The following DLGAP1 variants were observed in gnomAD, a reference collection of about 807,000 sequenced individuals.
DLGAP1 encodes disks large-associated protein 1.
In DLGAP1, 11 loss-of-function variants were observed where a neutral mutation model predicts 90.8. That is an observed-to-expected ratio of 0.12 (90% confidence interval 0.08 to 0.20). The LOEUF is 0.20. DLGAP1 is among the 10% of genes least tolerant of loss of function. DLGAP1 has a pLI of 1.00. For synonymous variants in DLGAP1, 558 were observed against 540.7 expected (o/e 1.03, Z -0.44); for missense variants, 1,050 against 1,333.8 (o/e 0.79, Z 3.31).
intron 3 of DLGAP1, among the ~76,000 whole-genome samples, chr18:3,963,250 G>A (rs1390016469): frequency 7.6e-6 from 1 of 131,398 alleles, no homozygotes; most frequent in Non-Finnish European, 1.6e-5. Context: ...GCCAGTTCCA[G>A]CTCCAAAGGC....
At chr18:4,240,647 G>C (rs1319982329) in intron 1 of DLGAP1, among the ~76,000 whole-genome samples, 2 of 152,162 alleles carry the variant, frequency 1.3e-5, no homozygotes, top group Non-Finnish European at 2.9e-5. Flanking sequence ...AATCATAAGT[G>C]TCCTAACATA....
At position 4,311,242 on chromosome 18, in the gene DLGAP1, A is replaced by T. The variant is rs140403290; in HGVS notation, c.-267+143764T>A. The stretch of plus-strand genomic sequence containing the variant: ...ACTTGAGCAGAACTATAAACATTTT[A>T]TTGCAGATAGCTTGACTTTGACAAA... On this transcript the variant is annotated intron_variant, in intron 1 of 12. Coordinates refer to ENST00000315677, the MANE Select transcript of DLGAP1 (RefSeq NM_004746.4). 9.5e-3 allele frequency among the ~76,000 whole-genome samples: 1,446 copies of T among 152,302 alleles called. 25 individuals carry two copies. Among genetic ancestry groups the T allele is most frequent in the African/African-American group, 0.032 (1,342 of 41,572 alleles).
chr18:3,988,007 T>A (rs1330323975), intron 3 of DLGAP1, among the ~76,000 whole-genome samples: 1 of 152,160 alleles, frequency 6.6e-6, no homozygotes, highest in Non-Finnish European at 1.5e-5. Flanking sequence ...TGCACTTTAT[T>A]TCTATTATTA....
intron 3 of DLGAP1, among the ~76,000 whole-genome samples, chr18:3,963,584 T>G (rs1224292560): frequency 8.4e-5 from 2 of 23,926 alleles, no homozygotes; most frequent in African/African-American, 2.6e-4. Context: ...CTTTGGGCTG[T>G]TTTTTTTTTT....
chr18:4,053,760 T>C (rs2075171781), intron 2 of DLGAP1, among the ~76,000 whole-genome samples: 1 of 152,218 alleles, frequency 6.6e-6, no homozygotes, highest in African/African-American at 2.4e-5. Flanking sequence ...AGGTAGTTTA[T>C]AAACTACTCA....
At position 3,936,785 on chromosome 18, in the gene DLGAP1, T is replaced by C. The variant is rs909636570; in HGVS notation, c.-72-56645A>G. Among the ~76,000 whole-genome samples, 8 of 152,144 alleles carry C rather than the reference T, an allele frequency of 5.3e-5. No individual in the cohort carries two copies. In the East Asian group the frequency reaches 1.2e-3, roughly 22 times the overall value. ...CAAAATGATTCACAATTTGGAGGCA[T>C]ATATGGGGTAATGTGGCAACTGTTA... On this transcript the variant is annotated intron_variant, in intron 3 of 12. Transcript: ENST00000315677.
chr18:3,946,183 G>A (rs935983980), intron 3 of DLGAP1, among the ~76,000 whole-genome samples: 2 of 151,910 alleles, frequency 1.3e-5, no homozygotes, highest in Admixed American at 6.6e-5. Flanking sequence ...AATAAAAAGT[G>A]ATGAATATCT....
In DLGAP1 at chr18:3,499,468, T is replaced by C. The variant is rs911809276; in HGVS notation, c.2725-74A>G. The C allele has an allele frequency of 6.1e-6, 9 of 1,470,056 alleles. No individual in the cohort carries two copies. The African/African-American group carries it at 1.1e-4, about 19-fold the overall frequency. 91.1% of individuals were successfully genotyped at this position (1,470,056 alleles called of 1,614,324 possible). ...CTTGGGAAAAACTGGGATAGGTCAG[T>C]AGTTAGAACACACAGTTTTTTACCT... On this transcript the variant is annotated intron_variant, in intron 12 of 12. Transcript: ENST00000315677. The surrounding 1 kb of genome is among the most constrained non-coding windows in gnomAD (Gnocchi z 6.4).
intron 3 of DLGAP1, among the ~76,000 whole-genome samples, chr18:3,946,625 A>G (rs1274815730): frequency 6.6e-6 from 1 of 152,156 alleles, no homozygotes; most frequent in Non-Finnish European, 1.5e-5. Flanking sequence ...AAACAAAAAC[A>G]CTCTTTAAAG....
intron 2 of DLGAP1, among the ~76,000 whole-genome samples, chr18:4,148,301 G>T (rs180874365): frequency 6.6e-6 from 1 of 152,230 alleles, no homozygotes; most frequent in Admixed American, 6.5e-5. Flanking sequence ...TGGTAAGTGA[G>T]GTCAAAGAAT....
In DLGAP1 at chr18:3,499,138, G is replaced by A. The variant is rs749484217; in HGVS notation, c.*47C>T. On this transcript the variant is annotated 3_prime_UTR_variant, in exon 13 of 13. Coordinates refer to ENST00000315677, the MANE Select transcript of DLGAP1 (RefSeq NM_004746.4). This position sits in a 1 kb window ranked among gnomAD's most constrained non-coding sequence, Gnocchi z 6.4. ...GGCAGCCGGCAGAGGAGCGGCCGGG[G>A]GAGGAGGGGACAGATGCTTGGCGGC... The A allele has an allele frequency of 6.8e-7, 1 of 1,466,452 alleles. No homozygotes were observed. The highest frequency in any genetic ancestry group is 1.5e-5 in the African/African-American group (1 of 68,164). The allele number at this position is 1,466,452 out of a possible 1,614,324, so 90.8% of individuals were successfully genotyped here. A position where few individuals can be genotyped will look rare whatever the true frequency, so the allele number is the denominator to read the frequency against.
chr18:4,401,834 T>A (rs1485353126), intron 1 of DLGAP1, among the ~76,000 whole-genome samples: 1 of 152,252 alleles, frequency 6.6e-6, no homozygotes, highest in Non-Finnish European at 1.5e-5. Flanking sequence ...AATTTTTAAA[T>A]GATAGGTAAT....
intron 1 of DLGAP1, among the ~76,000 whole-genome samples, chr18:4,400,533 T>C (rs1048034586): frequency 6.6e-6 from 1 of 152,092 alleles, no homozygotes; most frequent in Admixed American, 6.6e-5. Flanking sequence ...CACGGATATA[T>C]GTCACTAAGT....
At chr18:3,690,068 T>TA in intron 7 of DLGAP1, among the ~76,000 whole-genome samples, 1 of 151,276 alleles carries the variant, frequency 6.6e-6, no homozygotes, top group Non-Finnish European at 1.5e-5. Flanking sequence ...TCAGGATTAT[T>TA]AACAGTACCC....
chr18:4,434,364 C>G (rs2083354057), intron 1 of DLGAP1, among the ~76,000 whole-genome samples: 1 of 152,142 alleles, frequency 6.6e-6, no homozygotes, highest in Non-Finnish European at 1.5e-5. Context: ...AACTGATACA[C>G]TAACTTCTCC....
chr18:3,979,116 T>C (rs1244782356), intron 3 of DLGAP1, among the ~76,000 whole-genome samples: 1 of 152,200 alleles, frequency 6.6e-6, no homozygotes, highest in African/African-American at 2.4e-5. Context: ...TTATGCTAAA[T>C]GAAATAAGCC....
intron 1 of DLGAP1, among the ~76,000 whole-genome samples, chr18:4,437,686 T>C (rs1019038129): frequency 2.6e-5 from 4 of 152,318 alleles, no homozygotes; most frequent in Admixed American, 6.5e-5. Context: ...ATTATGCTGG[T>C]ATAATCTTGG....
chr18:3,845,100 C>A, intron 4 of DLGAP1: 1 of 1,151,584 alleles, frequency 8.7e-7, no homozygotes, highest in Non-Finnish European at 1.2e-6. Context: ...TGTTCATCCC[C>A]AGTTCACAGA....
In DLGAP1 at chr18:3,543,569, A is replaced by T. The variant is rs570619535; in HGVS notation, c.2058-8954T>A. 1.1e-4 allele frequency among the ~76,000 whole-genome samples: 16 copies of T among 152,362 alleles called. No individual in the cohort carries two copies. The South Asian group carries it at 3.3e-3, about 32-fold the overall frequency. ...CTTACATATAGGCCAGATAAAACCTATATGGACGACTTCTGTGCATGGCAA... is the reference window on the plus strand; with the variant it reads ...CTTACATATAGGCCAGATAAAACCTTTATGGACGACTTCTGTGCATGGCAA... On this transcript the variant is annotated intron_variant, in intron 9 of 12. Transcript: ENST00000315677.
Sources: gnomAD v4.1 joint callset for allele counts (sites outside exome capture counted in the v4.1 genomes callset) on GRCh38, gnomAD v4.1.1 for gene constraint, Gnocchi (gnomAD v3.1) non-coding constraint, MANE v1.5 for transcripts, NCBI Gene and HGNC (gene_info 2026-07-23, HGNC 2026-07-21) for gene names.